Variants in SLIT3 observed in about 807,000 individuals in gnomAD.
SLIT3 encodes slit guidance ligand 3.
A neutral mutation model predicts 184.0 loss-of-function variants in SLIT3; 68 were observed. The ratio of observed to expected loss-of-function variants is 0.37; its 90% CI spans 0.30 to 0.45. SLIT3 has a LOEUF of 0.45. SLIT3 is among the 20% of genes least tolerant of loss of function. The pLI, the probability that SLIT3 is intolerant of heterozygous loss-of-function variation, is 1.00. For synonymous variants in SLIT3, 831 were observed against 828.6 expected, an observed-to-expected ratio of 1.00 and a Z score of -0.05; for missense variants, 1,707 against 2,026.0, an observed-to-expected ratio of 0.84 and a Z score of 3.02.
intron 4 of SLIT3, among the ~76,000 whole-genome samples, chr5:168,918,083 C>T (rs370623873): frequency 2.0e-4 from 31 of 152,134 alleles, no homozygotes; most frequent in South Asian, 2.1e-4. Flanking sequence ...TCTTCTCCCT[C>T]TCCCTTTTTT....
chr5:168,870,733 G>A (rs1404088659), intron 5 of SLIT3, among the ~76,000 whole-genome samples: 1 of 152,124 alleles, frequency 6.6e-6, no homozygotes, highest in East Asian at 1.9e-4. Flanking sequence ...CTCCCCATAG[G>A]CTCTTTGTGA....
At chr5:169,299,371 A>T (rs1352707173) in intron 1 of SLIT3, among the ~76,000 whole-genome samples, 1 of 152,200 alleles carries the variant, frequency 6.6e-6, no homozygotes, top group Non-Finnish European at 1.5e-5. Flanking sequence ...ACACTCTAGG[A>T]CAATGCTTGT....
intron 26 of SLIT3, among the ~76,000 whole-genome samples, chr5:168,703,812 C>T (rs917063301): frequency 1.6e-4 from 25 of 151,768 alleles, no homozygotes; most frequent in Admixed American, 7.9e-4. Flanking sequence ...ATTAGCTGGG[C>T]GTGGTGGTGG....
chr5:169,083,298 G>A (rs1299855916), intron 4 of SLIT3, among the ~76,000 whole-genome samples: 1 of 151,262 alleles, frequency 6.6e-6, no homozygotes, highest in Non-Finnish European at 1.5e-5. Context: ...TCCCTCAAGA[G>A]AGTCATACAA....
intron 20 of SLIT3, among the ~76,000 whole-genome samples, chr5:168,725,632 A>G (rs1401809749): frequency 6.6e-6 from 1 of 152,196 alleles, no homozygotes; most frequent in African/African-American, 2.4e-5. Context: ...TCAAACTTCA[A>G]CATACATGCA....
intron 20 of SLIT3, among the ~76,000 whole-genome samples, chr5:168,746,436 T>TGGTGTGGGTGTGGCGGTGTGG (rs1763819598): frequency 1.0e-5 from 1 of 100,362 alleles, no homozygotes; most frequent in African/African-American, 4.1e-5. Context: ...TGGTGTGTGG[T>TGGTGTGGGTGTGGCGGTGTGG]GGTGTGGGTG....
intron 4 of SLIT3, among the ~76,000 whole-genome samples, chr5:169,137,097 T>G (rs966884970): frequency 2.6e-5 from 4 of 152,114 alleles, no homozygotes; most frequent in African/African-American, 9.7e-5. Flanking sequence ...AAATCTGGAC[T>G]TCCCGACAGC....
chr5:169,227,744 T>C (rs1358523304), intron 3 of SLIT3, among the ~76,000 whole-genome samples: 1 of 152,224 alleles, frequency 6.6e-6, no homozygotes, highest in African/African-American at 2.4e-5. Flanking sequence ...TTATTTTTAA[T>C]GGCAAAAGCT....
At chr5:168,729,136 T>C (rs1442532644) in intron 20 of SLIT3, among the ~76,000 whole-genome samples, 1 of 151,994 alleles carries the variant, frequency 6.6e-6, no homozygotes, top group Admixed American at 6.5e-5. Context: ...CTTTGAGATA[T>C]GTGAGAGTAC....
chr5:168,946,931 T>C (rs888009049), intron 4 of SLIT3, among the ~76,000 whole-genome samples: 5 of 152,230 alleles, frequency 3.3e-5, no homozygotes, highest in African/African-American at 9.6e-5. Flanking sequence ...GAACTAAAAA[T>C]TAGCTCAGTC....
chr5:168,744,951 C>T lies in SLIT3; in HGVS notation c.2270+3351G>A, dbSNP rs192644102. Among the ~76,000 whole-genome samples, 319 of 152,306 alleles carry T rather than the reference C, an allele frequency of 2.1e-3. 1 individual carries two copies. The highest frequency in any genetic ancestry group is 7.4e-3 in the African/African-American group (306 of 41,568). On this transcript the variant is annotated intron_variant, in intron 20 of 35. Coordinates refer to ENST00000519560, the MANE Select transcript of SLIT3 (RefSeq NM_003062.4). ...AGAAATATATTTTGTAAGGCCATAA[C>T]TGCCATAGATGGTGATTCCTCTGAT...
intron 4 of SLIT3, among the ~76,000 whole-genome samples, chr5:169,129,144 A>T (rs2113309031): frequency 6.6e-6 from 1 of 152,178 alleles, no homozygotes; most frequent in East Asian, 1.9e-4. Flanking sequence ...GCCATGCGTC[A>T]CTCCATTGTT....
chr5:169,090,441 A>G (rs1306848606), intron 4 of SLIT3, among the ~76,000 whole-genome samples: 2 of 152,184 alleles, frequency 1.3e-5, no homozygotes, highest in Non-Finnish European at 2.9e-5. Flanking sequence ...AGAGCAGAGC[A>G]GGTGAAGGAA....
At chr5:169,120,220 C>G (rs1160846389) in intron 4 of SLIT3, 1 of 152,190 alleles carries the variant, frequency 6.6e-6, no homozygotes, top group East Asian at 1.9e-4. Context: ...TGGTGCAAGT[C>G]TCAAAGGCAA....
intron 4 of SLIT3, among the ~76,000 whole-genome samples, chr5:168,997,597 A>G (rs1755559703): frequency 1.3e-5 from 2 of 152,188 alleles, no homozygotes; most frequent in Non-Finnish European, 2.9e-5. Flanking sequence ...TTCTCATCCA[A>G]GCCCAGAAAT....
intron 4 of SLIT3, among the ~76,000 whole-genome samples, chr5:168,893,623 C>T (rs571804250): frequency 1.3e-4 from 20 of 152,288 alleles, no homozygotes; most frequent in African/African-American, 4.6e-4. Flanking sequence ...CCCGTGTCTT[C>T]TTTAGAGAGA....
intron 4 of SLIT3, among the ~76,000 whole-genome samples, chr5:169,034,936 TG>T (rs1757177768): frequency 4.0e-5 from 6 of 150,394 alleles, no homozygotes; most frequent in African/African-American, 1.2e-4. Context: ...TGTGTGTGTG[TG>T]TGTGTGTGTG....
chr5:169,071,443 C>A (rs551705110), intron 4 of SLIT3, among the ~76,000 whole-genome samples: 4 of 152,072 alleles, frequency 2.6e-5, no homozygotes, highest in African/African-American at 4.8e-5. Context: ...GGAGAAAGAG[C>A]GTTTGAGGGA....
intron 7 of SLIT3, among the ~76,000 whole-genome samples, chr5:168,818,976 T>A (rs574259916): frequency 2.0e-5 from 3 of 152,370 alleles, no homozygotes; most frequent in African/African-American, 7.2e-5. Context: ...AAGACTTTTA[T>A]GATTTTGTTT....
Sources: gnomAD v4.1 joint callset for allele counts (sites outside exome capture counted in the v4.1 genomes callset) on GRCh38, gnomAD v4.1.1 for gene constraint, MANE v1.5 for transcripts, NCBI Gene and HGNC (gene_info 2026-07-23, HGNC 2026-07-21) for gene names.